The following DNAH17 variants were observed in gnomAD, a reference collection of about 807,000 sequenced individuals.
DNAH17 encodes axonemal beta dynein heavy chain 17.
DNAH17 carries 376 observed loss-of-function variants against 485.6 expected under a neutral mutation model. The ratio of observed to expected loss-of-function variants is 0.77; its 90% CI spans 0.71 to 0.84. DNAH17 has a LOEUF of 0.84. Among genes scored for constraint, DNAH17 ranks in the 40% least tolerant of loss-of-function variants. The pLI is 0.00. For synonymous variants in DNAH17, 3,031 were observed against 2,405.9 expected, an observed-to-expected ratio of 1.26 and a Z score of -7.60; for missense variants, 6,370 against 5,839.3, an observed-to-expected ratio of 1.09 and a Z score of -2.96.
At chr17:78,522,875 TG>T (rs2090970408) in intron 25 of DNAH17, 1 of 170,924 alleles carries the variant, frequency 5.9e-6, no homozygotes, top group African/African-American at 2.4e-5. Context: ...TTTTTTGAGA[TG>T]TGGTTTCACT....
chr17:78,423,953 C>T lies in DNAH17; in HGVS notation c.13342G>A (p.Ala4448Thr). 1 of 1,613,976 alleles carries T rather than the reference C, an allele frequency of 6.2e-7. No homozygotes were observed. The highest frequency in any genetic ancestry group is 8.5e-7 in the Non-Finnish European group (1 of 1,179,878). ...WTFNLKTKEK[A>T]AKWILAAVAL... ...ACGGCTGCCAGGATCCACTTCGCTG[C>T]CTTCTCTTTGGTCTTCAAGTTAAAG... is the stretch of plus-strand genomic sequence containing the variant. Residue 4448 changes from alanine to threonine, a missense_variant, in exon 81 of 81, where the codon GCA becomes ACA. By Grantham distance (58) the Ala-to-Thr change is moderately conservative. Coordinates refer to ENST00000389840, the MANE Select transcript of DNAH17 (RefSeq NM_173628.4).
At chr17:78,543,482 G>A (rs1013969854) in intron 17 of DNAH17, among the ~76,000 whole-genome samples, 2 of 151,384 alleles carry the variant, frequency 1.3e-5, no homozygotes, top group Non-Finnish European at 1.5e-5. Flanking sequence ...AGTAGAGACG[G>A]GGTTTCACCT....
In DNAH17 at chr17:78,454,649, C is replaced by T. The variant is rs753207043; in HGVS notation, c.10227G>A (p.Ala3409=). ...CCTGGTTGTTCCAGGTGGCCACGTC[C>T]GCGTCATCTGTCAGCAGGCTCAAGG... ...LDPLSLLTDD[A]DVATWNNQGL... Residue 3409 remains alanine (A), a synonymous_variant, in exon 64 of 81, where the codon GCG becomes GCA. Transcript: ENST00000389840. 43 of 1,612,894 alleles carry T rather than the reference C, an allele frequency of 2.7e-5. No individual in the cohort carries two copies. The highest frequency in any genetic ancestry group is 8.3e-5 in the Admixed American group (5 of 59,988).
intron 66 of DNAH17, 57 bp downstream of exon 66, chr17:78,451,412 G>C (rs1318392894): frequency 6.6e-7 from 1 of 1,510,114 alleles, no homozygotes; most frequent in African/African-American, 1.4e-5. Flanking sequence ...ACAGTGACCT[G>C]GCCCCCTCTG....
chr17:78,435,448 C>A (rs2086824681), intron 74 of DNAH17, among the ~76,000 whole-genome samples: 2 of 152,104 alleles, frequency 1.3e-5, no homozygotes, highest in South Asian at 4.1e-4. Flanking sequence ...TCTCCTTACC[C>A]ACAGGTCTCA....
In DNAH17 at chr17:78,494,664, A is replaced by G. The variant is rs1568150532; in HGVS notation, c.6199T>C (p.Phe2067Leu). ...AAGAGGTCCCCGATCAGTCCCATGA[A>G]TACGGGCAGGTCGTCTGTCACAATC... is the stretch of plus-strand genomic sequence containing the variant. ...PKIVTDDLPV[F>L]MGLIGDLFPA... Residue 2067 changes from phenylalanine to leucine, a missense_variant, in exon 40 of 81, where the codon TTC becomes CTC. Coordinates refer to ENST00000389840, the MANE Select transcript of DNAH17 (RefSeq NM_173628.4). 1.2e-6 allele frequency: 2 copies of G among 1,613,960 alleles called. No individual in the cohort carries two copies. The highest frequency in any genetic ancestry group is 1.7e-6 in the Non-Finnish European group (2 of 1,179,902).
At position 78,467,099 on chromosome 17, in the gene DNAH17, G is replaced by A. The variant is rs117713415; in HGVS notation, c.8779-283C>T. On this transcript the variant is annotated intron_variant, in intron 55 of 80. Transcript: ENST00000389840. Reference sequence around the variant, plus strand: ...GGGCAAAGGAAGGAATGGGGAGTGGGCATCCACATTGGGCAGATGAGGCCC... The same window carrying A: ...GGGCAAAGGAAGGAATGGGGAGTGGACATCCACATTGGGCAGATGAGGCCC... 7.8e-4 allele frequency among the ~76,000 whole-genome samples: 119 copies of A among 152,340 alleles called. No individual in the cohort carries two copies. The East Asian group carries it at 0.021, about 27-fold the overall frequency.
Position 78,425,368 on chromosome 17 carries a change from G to T in DNAH17, c.13119C>A (p.Tyr4373Ter). ...DMTAPPREGS[Y>*]VYGLFMEGAR... ...TACCTTCCATGAAGAGTCCGTACAC[G>T]TAGGAGCCCTCTCGCGGAGGAGCGG... The change falls in exon 80 of 81, where the codon TAC (tyrosine) becomes TAA (stop). Residue 4373 changes from tyrosine to a stop codon, truncating the protein, a stop_gained. Transcript: ENST00000389840. LOFTEE classifies it high-confidence loss of function. 3 of 1,613,944 alleles carry T rather than the reference G, an allele frequency of 1.9e-6. No homozygotes were observed. Among genetic ancestry groups the T allele is most frequent in the Non-Finnish European group, 2.5e-6 (3 of 1,179,866 alleles).
chr17:78,488,865 C>T (rs556647701), intron 44 of DNAH17, among the ~76,000 whole-genome samples: 1 of 152,030 alleles, frequency 6.6e-6, no homozygotes, highest in South Asian at 2.1e-4. Flanking sequence ...TGTCCATAAG[C>T]CAAGGGATGC....
At chr17:78,482,419 A>C (rs1023647213) in intron 48 of DNAH17, among the ~76,000 whole-genome samples, 2 of 152,150 alleles carry the variant, frequency 1.3e-5, no homozygotes, top group African/African-American at 2.4e-5. Context: ...ATATTAATCC[A>C]CTGTCAATTT....
At chr17:78,438,087 T>C (rs760639595) in intron 73 of DNAH17, among the ~76,000 whole-genome samples, 2 of 152,120 alleles carry the variant, frequency 1.3e-5, no homozygotes, top group Non-Finnish European at 1.5e-5. Context: ...CCCCAGAATC[T>C]ATTTTTGTGT....
chr17:78,465,055 C>T (rs369362694), intron 56 of DNAH17, among the ~76,000 whole-genome samples: 2,446 of 152,366 alleles, frequency 0.016, 176 homozygotes, highest in Admixed American at 0.13. Context: ...ATTCTCCTGA[C>T]TCAGCCTGCC....
At position 78,558,263 on chromosome 17, in the gene DNAH17, C is replaced by T; in HGVS notation, c.2032-9G>A. ...CTCAGAACTGCCACCAACTAAATGA[C>T]AAACGAAGATCAAAGAACATGTCAG... On this transcript the variant is annotated splice_polypyrimidine_tract_variant and intron_variant, in intron 13 of 80. Coordinates refer to ENST00000389840, the MANE Select transcript of DNAH17 (RefSeq NM_173628.4). The T allele has an allele frequency of 6.2e-7, 1 of 1,612,742 alleles. No individual in the cohort carries two copies. Among genetic ancestry groups the T allele is most frequent in the South Asian group, 1.1e-5 (1 of 90,720 alleles).
At chr17:78,491,361 G>A (rs1433024585) in intron 43 of DNAH17, 82 bp downstream of exon 43, 7 of 1,533,498 alleles carry the variant, frequency 4.6e-6, no homozygotes, top group East Asian at 2.4e-5. Context: ...CAGGGCCTGA[G>A]TGCTCCGTAG....
At chr17:78,558,010 C>T (rs1040502917) in intron 14 of DNAH17, 98 bp downstream of exon 14, 3 of 1,392,240 alleles carry the variant, frequency 2.2e-6, no homozygotes, top group Non-Finnish European at 2.9e-6. Context: ...GGAAGATTTC[C>T]CAGGAAGAGC....
At chr17:78,569,077 C>T (rs2092312103) in intron 9 of DNAH17, 89 bp downstream of exon 9, 15 of 1,030,316 alleles carry the variant, frequency 1.5e-5, no homozygotes, top group Non-Finnish European at 2.2e-5. Flanking sequence ...GGATTATTGG[C>T]AAGGGGGGTA....
At chr17:78,426,762 C>G in intron 78 of DNAH17, 162 bp from the exon 79 acceptor site, 1 of 1,281,268 alleles carries the variant, frequency 7.8e-7, no homozygotes, top group Non-Finnish European at 1.1e-6. Flanking sequence ...AAGGAACGGT[C>G]TAGATGAGCT....
rs372912923 is a variant in DNAH17, at chr17:78,494,812, G to A, written c.6051C>T (p.Tyr2017=). ...ACTTGATGGCTCTCAGGCCCCAGTCGTAATGATCCTGCGGGCAGTGGGCAC... is the reference window on the plus strand; with the variant it reads ...ACTTGATGGCTCTCAGGCCCCAGTCATAATGATCCTGCGGGCAGTGGGCAC... ...CKELLSKQDH[Y]DWGLRAIKSV... The change falls in exon 40 of 81, where the codon TAC becomes TAT. Residue 2017 remains tyrosine (Y), a synonymous_variant. Coordinates refer to ENST00000389840, the MANE Select transcript of DNAH17 (RefSeq NM_173628.4). 825 of 1,605,354 alleles carry A rather than the reference G, an allele frequency of 5.1e-4. 4 individuals carry two copies. Among genetic ancestry groups the A allele is most frequent in the Middle Eastern group, 3.8e-3 (23 of 6,010 alleles).
In DNAH17 at chr17:78,569,232, C is replaced by A; in HGVS notation, c.1218G>T (p.Trp406Cys). Residue 406 changes from tryptophan (W) to cysteine (C), a missense_variant, in exon 9 of 81, where the codon TGG becomes TGT. Transcript: ENST00000389840. ...LFFKDKEPVPWEFPSSLAFSR... is the reference protein window; with the variant it reads ...LFFKDKEPVPCEFPSSLAFSR... ...AAAAGGCAAGAGAAGAAGGGAATTC[C>A]CAAGGCACGGGCTCTTTGTCCTTAG... is the stretch of plus-strand genomic sequence containing the variant. The A allele has an allele frequency of 6.2e-7, 1 of 1,608,170 alleles. No individual in the cohort carries two copies. The highest frequency in any genetic ancestry group is 2.2e-5 in the East Asian group (1 of 44,764).
Sources: allele counts gnomAD v4.1 joint callset (sites outside exome capture counted in the v4.1 genomes callset), GRCh38; gene constraint gnomAD v4.1.1; transcripts MANE v1.5; gene names NCBI Gene and HGNC (gene_info 2026-07-23, HGNC 2026-07-21).